Variants in AUTS2 observed in about 807,000 individuals in gnomAD.
AUTS2 encodes the protein autism susceptibility gene 2 protein.
Under a neutral mutation model 112.4 loss-of-function variants are expected in AUTS2, and 17 were observed. That is an observed-to-expected ratio of 0.15 (90% CI 0.10 to 0.23). The LOEUF (loss-of-function observed/expected upper bound fraction) is 0.23. Ranked by LOEUF, AUTS2 falls within the 10% of genes least tolerant of loss-of-function variation. The pLI, the probability that AUTS2 is intolerant of heterozygous loss-of-function variation, is 1.00. For missense variants in AUTS2, 1,510 were observed against 1,701.6 expected, an observed-to-expected ratio of 0.89 and a Z score of 1.98; for synonymous variants, 751 against 702.7, an observed-to-expected ratio of 1.07 and a Z score of -1.09.
intron 5 of AUTS2, among the ~76,000 whole-genome samples, chr7:70,564,125 GTAGAT>G (rs1173041915): frequency 4.6e-5 from 7 of 152,160 alleles, no homozygotes; most frequent in Admixed American, 2.6e-4. Flanking sequence ...GAGGTCACTA[GTAGAT>G]TATTTTTCTT....
At chr7:70,688,912 A>G (rs1272607041) in intron 5 of AUTS2, among the ~76,000 whole-genome samples, 1 of 152,234 alleles carries the variant, frequency 6.6e-6, no homozygotes, top group East Asian at 1.9e-4. Flanking sequence ...GGAAATTACA[A>G]TTTAACATGT....
At chr7:69,821,551 T>C (rs1312328998) in intron 1 of AUTS2, among the ~76,000 whole-genome samples, 1 of 152,064 alleles carries the variant, frequency 6.6e-6, no homozygotes, top group African/African-American at 2.4e-5. Context: ...GTTCTTTCTC[T>C]CTTTACAATA....
At chr7:70,614,747 G>A (rs1434324675) in intron 5 of AUTS2, among the ~76,000 whole-genome samples, 6 of 152,224 alleles carry the variant, frequency 3.9e-5, no homozygotes, top group African/African-American at 1.4e-4. Context: ...CACGGCAGCA[G>A]AACTGAACAA....
chr7:70,755,999 TTTCCTC>T (rs1789173008), intron 6 of AUTS2, among the ~76,000 whole-genome samples: 1 of 152,108 alleles, frequency 6.6e-6, no homozygotes, highest in Non-Finnish European at 1.5e-5. Context: ...GTTTTGCACT[TTTCCTC>T]CTCCTCCTCC....
chr7:69,801,839 T>C (rs1584266301), intron 1 of AUTS2, among the ~76,000 whole-genome samples: 1 of 151,950 alleles, frequency 6.6e-6, no homozygotes, highest in East Asian at 1.9e-4. Flanking sequence ...ATATCTAGAG[T>C]ATTAGAAACT....
chr7:69,703,720 A>G (rs1352569189), intron 1 of AUTS2, among the ~76,000 whole-genome samples: 1 of 152,222 alleles, frequency 6.6e-6, no homozygotes, highest in Admixed American at 6.5e-5. Flanking sequence ...TATAAACTTC[A>G]GTAAATATCA....
At chr7:70,665,546 C>T (rs1394718788) in intron 5 of AUTS2, among the ~76,000 whole-genome samples, 3 of 151,908 alleles carry the variant, frequency 2.0e-5, no homozygotes, top group African/African-American at 4.8e-5. Flanking sequence ...AGTGATCTTC[C>T]CGCCTCGGCC....
At chr7:70,192,528 A>G (rs1485221262) in intron 4 of AUTS2, among the ~76,000 whole-genome samples, 2 of 152,224 alleles carry the variant, frequency 1.3e-5, no homozygotes, top group Non-Finnish European at 2.9e-5. Flanking sequence ...AACACAACTT[A>G]AAATGAGAAG....
intron 6 of AUTS2, among the ~76,000 whole-genome samples, chr7:70,706,535 A>G (rs2129548392): frequency 6.6e-6 from 1 of 152,324 alleles, no homozygotes; most frequent in African/African-American, 2.4e-5. Context: ...CTAACAAATC[A>G]GGAGCTGTTG....
rs146653833 is a variant in AUTS2 at position 69,881,657 on chromosome 7, A to G, written c.310-17629A>G. On this transcript the variant is annotated intron_variant, in intron 1 of 18. Transcript: ENST00000342771. Reference sequence around the variant, plus strand: ...GAGTACAAAGTATTGCTCTCTTCCCATGCCAAACTTTCCTAAAGTTTCCAT... The same window carrying G: ...GAGTACAAAGTATTGCTCTCTTCCCGTGCCAAACTTTCCTAAAGTTTCCAT... 2.8e-4 allele frequency among the ~76,000 whole-genome samples: 43 copies of G among 152,248 alleles called. No individual in the cohort carries two copies. In the East Asian group the frequency reaches 4.4e-3, roughly 16 times the overall value.
intron 5 of AUTS2, among the ~76,000 whole-genome samples, chr7:70,523,670 A>G (rs538110879): frequency 1.3e-5 from 2 of 152,320 alleles, no homozygotes; most frequent in African/African-American, 4.8e-5. Flanking sequence ...TCTAAACTGC[A>G]GTGCAGCGCA....
chr7:70,193,240 T>C (rs1454810556), intron 4 of AUTS2, among the ~76,000 whole-genome samples: 2 of 152,312 alleles, frequency 1.3e-5, no homozygotes, highest in Non-Finnish European at 2.9e-5. Flanking sequence ...TTCTTGGTAG[T>C]GGCATTATCT....
At chr7:69,666,352 C>T (rs118020233) in intron 1 of AUTS2, among the ~76,000 whole-genome samples, 1,694 of 152,208 alleles carry the variant, frequency 0.011, 5 homozygotes, top group Admixed American at 0.018. Context: ...AAATTCGAAT[C>T]GTAATTCAGT....
intron 5 of AUTS2, among the ~76,000 whole-genome samples, chr7:70,517,800 T>C (rs1246726329): frequency 6.6e-6 from 1 of 152,066 alleles, no homozygotes; most frequent in Non-Finnish European, 1.5e-5. Flanking sequence ...ATCATTTGTA[T>C]GTATACATAT....
chr7:70,672,250 TGA>T (rs1285836048), intron 5 of AUTS2, among the ~76,000 whole-genome samples: 1 of 152,194 alleles, frequency 6.6e-6, no homozygotes, highest in African/African-American at 2.4e-5. Context: ...GGGGAACTGG[TGA>T]GAGAGAGTCC....
intron 1 of AUTS2, among the ~76,000 whole-genome samples, chr7:69,722,741 T>C (rs1799029927): frequency 6.6e-6 from 1 of 152,226 alleles, no homozygotes; most frequent in Non-Finnish European, 1.5e-5. Flanking sequence ...TCATCGTTGA[T>C]GTGCAGAACA....
Position 70,762,979 on chromosome 7 carries a change from T to C in AUTS2, c.852T>C (p.Cys284=), listed in dbSNP as rs548185347. 12 of 1,614,134 alleles carry C rather than the reference T, an allele frequency of 7.4e-6. No homozygotes were observed. The East Asian group carries it at 1.6e-4, about 21-fold the overall frequency. ...LERSQEKSQD[C]CKEPIFEPVV... ...GAAGCCAGGAGAAGAGCCAGGACTG[T>C]TGCAAAGAGCCAATCTTTGAGCCTG... The change falls in exon 7 of 19, where the codon TGT becomes TGC. Residue 284 remains cysteine, a synonymous_variant. Transcript: ENST00000342771.
intron 2 of AUTS2, among the ~76,000 whole-genome samples, chr7:70,081,749 C>T (rs552608083): frequency 1.3e-5 from 2 of 152,124 alleles, no homozygotes; most frequent in Admixed American, 1.3e-4. Context: ...TAACTAGAAA[C>T]AAAATGTATT....
rs1554319605 is a variant in AUTS2, at chr7:70,129,901, T to TATTGTG, written c.625-4635_625-4634insATTGTG. Among the ~76,000 whole-genome samples, 555 of 147,388 alleles carry TATTGTG rather than the reference T, an allele frequency of 3.8e-3. 4 individuals carry two copies. The highest frequency in any genetic ancestry group is 0.013 in the African/African-American group (528 of 39,946). ...TCTCAATCAAATATATATATATATA[T>TATTGTG]TGTGTGTGTGTGTGTGTGTGTGTGT... On this transcript the variant is annotated intron_variant, in intron 3 of 18. Coordinates refer to ENST00000342771, the MANE Select transcript of AUTS2 (RefSeq NM_015570.4).
Sources: allele counts gnomAD v4.1 joint callset (sites outside exome capture counted in the v4.1 genomes callset), GRCh38; gene constraint gnomAD v4.1.1; transcripts MANE v1.5; gene names NCBI Gene and HGNC (gene_info 2026-07-23, HGNC 2026-07-21).